HIPK2: variants seen among roughly 807,000 people sequenced by gnomAD.
The protein encoded by HIPK2 is homeodomain-interacting protein kinase 2.
In HIPK2, 27 loss-of-function variants were observed where a neutral mutation model predicts 113.7. The observed-to-expected ratio is 0.24, with a 90% CI of 0.17 to 0.33. The LOEUF (loss-of-function observed/expected upper bound fraction) is 0.33, where lower values mean the gene tolerates loss of function less well. Among genes scored for constraint, HIPK2 ranks in the 10% least tolerant of loss-of-function variants. The pLI, the probability that HIPK2 is intolerant of heterozygous loss-of-function variation, is 1.00. For synonymous variants in HIPK2, 631 were observed against 642.2 expected (o/e 0.98, Z 0.26); for missense variants, 1,257 against 1,588.0 (o/e 0.79, Z 3.54).
At chr7:139,719,682 C>T (rs1337595175) in intron 1 of HIPK2, among the ~76,000 whole-genome samples, 8 of 152,228 alleles carry the variant, frequency 5.3e-5, no homozygotes, top group Non-Finnish European at 7.3e-5. Flanking sequence ...AGTCACTTGG[C>T]TCCAAAACTA....
chr7:139,693,815 TAATGTGTGACTCAGGTA>T (rs1202237629), intron 2 of HIPK2, among the ~76,000 whole-genome samples: 1 of 152,132 alleles, frequency 6.6e-6, no homozygotes, highest in Non-Finnish European at 1.5e-5. Context: ...TATTCTCCAA[TAATGTGTGACTCAGGTA>T]AACATTTCTA....
intron 11 of HIPK2, 25 bp downstream of exon 11, chr7:139,600,392 C>A (rs1799379903): frequency 6.2e-7 from 1 of 1,607,672 alleles, no homozygotes; most frequent in Non-Finnish European, 8.5e-7. Flanking sequence ...GATTTCTCTT[C>A]CCTAGGGTGG....
Position 139,722,131 on chromosome 7 carries a change from A to G in HIPK2, c.20-5116T>C, listed in dbSNP as rs141360010. On this transcript the variant is annotated intron_variant, in intron 1 of 14. Transcript: ENST00000406875. ...AGTTCATGTGGTTGCTACAGAAGTG[A>G]TAAGTAAAAAGCACTGAAGAACAAA... 8.3e-4 allele frequency: 247 copies of G among 299,366 alleles called. 1 individual carries two copies. The highest frequency in any genetic ancestry group is 3.2e-4 in the Non-Finnish European group (46 of 142,654). The allele number at this position is 299,366 out of a possible 1,614,324, so 18.5% of individuals were successfully genotyped here. A position where few individuals can be genotyped will look rare whatever the true frequency, so the allele number is the denominator to read the frequency against.
At chr7:139,658,734 T>G (rs993048166) in intron 2 of HIPK2, among the ~76,000 whole-genome samples, 1 of 152,180 alleles carries the variant, frequency 6.6e-6, no homozygotes, top group Admixed American at 6.5e-5. Flanking sequence ...ATCCTAATTC[T>G]GAGTGCCCTT....
chr7:139,774,421 T>G (rs1216125220), intron 1 of HIPK2, among the ~76,000 whole-genome samples: 1 of 152,160 alleles, frequency 6.6e-6, no homozygotes, highest in African/African-American at 2.4e-5. Flanking sequence ...ACTACTCAAA[T>G]GTGGCGAGAA....
At chr7:139,623,471 T>C (rs1251910555) in intron 6 of HIPK2, among the ~76,000 whole-genome samples, 3 of 138,916 alleles carry the variant, frequency 2.2e-5, no homozygotes, top group Non-Finnish European at 4.5e-5. Flanking sequence ...TGAGCAAAGA[T>C]CGTACTGCTG....
intron 1 of HIPK2, among the ~76,000 whole-genome samples, chr7:139,760,883 G>T (rs1216141109): frequency 6.6e-6 from 1 of 152,118 alleles, no homozygotes; most frequent in Admixed American, 6.6e-5. Context: ...ATGAGCTTGG[G>T]GCATTTGTGC....
intron 1 of HIPK2, among the ~76,000 whole-genome samples, chr7:139,754,458 G>A (rs1796332397): frequency 6.6e-6 from 1 of 152,182 alleles, no homozygotes; most frequent in South Asian, 2.1e-4. Flanking sequence ...GCAGCAGGAA[G>A]ATGTCTGTGC....
chr7:139,719,501 T>C (rs1248627437), intron 1 of HIPK2, among the ~76,000 whole-genome samples: 1 of 152,228 alleles, frequency 6.6e-6, no homozygotes, highest in African/African-American at 2.4e-5. Flanking sequence ...CACCTCTGTG[T>C]AGGTGACCCC....
chr7:139,742,723 T>G (rs1796123911), intron 1 of HIPK2, among the ~76,000 whole-genome samples: 1 of 152,190 alleles, frequency 6.6e-6, no homozygotes, highest in Non-Finnish European at 1.5e-5. Context: ...CATGCCAGAA[T>G]GTTCAGAGAA....
intron 2 of HIPK2, among the ~76,000 whole-genome samples, chr7:139,650,782 G>A (rs1801430651): frequency 6.6e-6 from 1 of 152,216 alleles, no homozygotes; most frequent in Non-Finnish European, 1.5e-5. Context: ...AGAGATCCAC[G>A]TGGATGGAAC....
chr7:139,714,315 G>A lies in HIPK2; in HGVS notation c.1103+1617C>T, dbSNP rs1276712802. On this transcript the variant is annotated intron_variant, in intron 2 of 14. Transcript: ENST00000406875. The surrounding 1 kb of genome is among the most constrained non-coding windows in gnomAD (Gnocchi z 4.2). ...GTGAAGAGGCCTCGAAACCTCCTGTGTGAGTCAGGATTAGGATGAAAGGAG... is the reference window on the plus strand; with the variant it reads ...GTGAAGAGGCCTCGAAACCTCCTGTATGAGTCAGGATTAGGATGAAAGGAG... Among the ~76,000 whole-genome samples the A allele has an allele frequency of 6.6e-6, 1 of 152,228 alleles. No homozygotes were observed. Among genetic ancestry groups the A allele is most frequent in the Non-Finnish European group, 1.5e-5 (1 of 68,040 alleles).
At chr7:139,734,665 T>C (rs1795888494) in intron 1 of HIPK2, among the ~76,000 whole-genome samples, 1 of 152,244 alleles carries the variant, frequency 6.6e-6, no homozygotes, top group South Asian at 2.1e-4. Flanking sequence ...AGGCACATTC[T>C]GTACTCTCTT....
chr7:139,641,054 C>T (rs913047228), intron 2 of HIPK2, among the ~76,000 whole-genome samples: 2 of 151,860 alleles, frequency 1.3e-5, no homozygotes, highest in African/African-American at 2.4e-5. Flanking sequence ...GAAGTACCTA[C>T]CACCTAGCTT....
chr7:139,692,296 A>C (rs1459036565), intron 2 of HIPK2, among the ~76,000 whole-genome samples: 1 of 152,210 alleles, frequency 6.6e-6, no homozygotes, highest in South Asian at 2.1e-4. Context: ...AGTGAACTCA[A>C]AAAGGCCTTT....
At chr7:139,681,430 C>T (rs1466780808) in intron 2 of HIPK2, among the ~76,000 whole-genome samples, 1 of 152,104 alleles carries the variant, frequency 6.6e-6, no homozygotes. Context: ...CCTGGCACCT[C>T]CACATTTAAA....
chr7:139,626,265 G>A (rs757683791), intron 6 of HIPK2, among the ~76,000 whole-genome samples: 1 of 151,978 alleles, frequency 6.6e-6, no homozygotes, highest in Non-Finnish European at 1.5e-5. Context: ...ACCACACCCA[G>A]CTGATTTTTG....
At chr7:139,616,326 T>C (rs1447888879) in intron 7 of HIPK2, among the ~76,000 whole-genome samples, 1 of 152,140 alleles carries the variant, frequency 6.6e-6, no homozygotes, top group Non-Finnish European at 1.5e-5. Flanking sequence ...GGGTAGATCA[T>C]TCTTTCCACA....
intron 14 of HIPK2, among the ~76,000 whole-genome samples, chr7:139,573,966 C>G (rs959618626): frequency 2.0e-5 from 3 of 152,114 alleles, no homozygotes; most frequent in African/African-American, 7.2e-5. Context: ...ATATTTCTCC[C>G]AAGGACGTAC....
Sources: allele counts gnomAD v4.1 joint callset (sites outside exome capture counted in the v4.1 genomes callset), GRCh38; gene constraint gnomAD v4.1.1; non-coding constraint Gnocchi (gnomAD v3.1); transcripts MANE v1.5; gene names NCBI Gene and HGNC (gene_info 2026-07-23, HGNC 2026-07-21).